Variants in ALG1 observed in about 807,000 individuals in gnomAD.
ALG1 encodes ALG1 chitobiosyldiphosphodolichol beta-mannosyltransferase.
ALG1 carries 58 observed loss-of-function variants against 55.1 expected under a neutral mutation model. The ratio of observed to expected loss-of-function variants is 1.05; its 90% CI spans 0.85 to 1.31. The LOEUF is 1.31. Among genes scored for constraint, ALG1 ranks in the 50% most tolerant of loss-of-function variants. The pLI, the probability that ALG1 is intolerant of heterozygous loss-of-function variation, is 0.00. For synonymous variants in ALG1, 309 were observed against 247.0 expected (o/e 1.25, Z -2.35); for missense variants, 761 against 598.6 (o/e 1.27, Z -2.83).
chr16:5,084,892 A>C lies in ALG1; in HGVS notation c.*11A>C, dbSNP rs752581537. 1.9e-6 allele frequency: 3 copies of C among 1,580,722 alleles called. No homozygotes were observed. The South Asian group carries it at 3.3e-5, about 17-fold the overall frequency. Reference sequence around the variant, plus strand: ...GTTATGGACACATAACTCCTGGGCCAGAGGCTAAAACCCCAGGACCCCTGC... The same window carrying C: ...GTTATGGACACATAACTCCTGGGCCCGAGGCTAAAACCCCAGGACCCCTGC... On this transcript the variant is annotated 3_prime_UTR_variant, in exon 13 of 13. Transcript: ENST00000262374.
At chr16:5,072,314 C>G in intron 1 of ALG1, 1 of 1,384,568 alleles carries the variant, frequency 7.2e-7, no homozygotes, top group Non-Finnish European at 9.5e-7. Flanking sequence ...GTAAGTGGAA[C>G]CCAGGTGCGT....
At chr16:5,076,379 A>T (rs1011189385) in intron 4 of ALG1, among the ~76,000 whole-genome samples, 7 of 152,244 alleles carry the variant, frequency 4.6e-5, no homozygotes, top group Non-Finnish European at 2.9e-5. Flanking sequence ...CACCTGCTGC[A>T]TGCCAGTCCT....
chr16:5,081,309 T>G (rs1455235363), intron 10 of ALG1, among the ~76,000 whole-genome samples: 1 of 152,076 alleles, frequency 6.6e-6, no homozygotes, highest in Non-Finnish European at 1.5e-5. Flanking sequence ...TCTTCCTTCC[T>G]GCAGGAGGGC....
At chr16:5,081,618 T>A (rs1480198958) in intron 10 of ALG1, among the ~76,000 whole-genome samples, 1 of 152,138 alleles carries the variant, frequency 6.6e-6, no homozygotes, top group Non-Finnish European at 1.5e-5. Flanking sequence ...TAGGCTGGAG[T>A]GCATGATCTC....
At position 5,079,224 on chromosome 16, in the gene ALG1, C is replaced by G. The variant is rs531157713; in HGVS notation, c.901+122C>G. ...ACTGGGTGGGGCAGCCTGGGGACAG[C>G]GGGGGTGGTGGAAGTGGGCCGCCCT... On this transcript the variant is annotated intron_variant, in intron 8 of 12. Transcript: ENST00000262374. 441 of 1,352,436 alleles carry G rather than the reference C, an allele frequency of 3.3e-4. 5 individuals are homozygous for G. The African/African-American group carries it at 5.8e-3, about 18-fold the overall frequency. 83.8% of individuals were successfully genotyped at this position (1,352,436 alleles called of 1,614,324 possible).
chr16:5,073,483 A>G (rs1051550736), intron 3 of ALG1: 2 of 587,734 alleles, frequency 3.4e-6, no homozygotes, highest in East Asian at 2.9e-5. Context: ...AGTGTTTTCC[A>G]TGTATTAACT....
rs374671583 is a variant in ALG1 at position 5,086,334 on chromosome 16, CAA to C, written c.*1470_*1471del. Among the ~76,000 whole-genome samples the C allele has an allele frequency of 0.016, 2,112 of 128,248 alleles. 40 individuals carry two copies. The highest frequency in any genetic ancestry group is 0.049 in the African/African-American group (1,675 of 34,504). 84.1% of individuals were successfully genotyped at this position (128,248 alleles called of 152,430 possible). ...TGAGTGACAGGGTGAGACTAAGTCT[CAA>C]AAAAAAAAAAAAAAAACCACACGCA... On this transcript the variant is annotated 3_prime_UTR_variant, in exon 13 of 13. Transcript: ENST00000262374.
intron 12 of ALG1, chr16:5,084,512 A>C: frequency 1.5e-6 from 1 of 669,850 alleles, no homozygotes; most frequent in South Asian, 1.8e-5. Context: ...AGAGGCCGGG[A>C]GGTGCTCCAG....
chr16:5,077,065 A>G (rs1161059984), intron 4 of ALG1, among the ~76,000 whole-genome samples: 2 of 152,232 alleles, frequency 1.3e-5, no homozygotes, highest in East Asian at 3.9e-4. Flanking sequence ...GATTACAGGC[A>G]TGAGCCACCG....
intron 1 of ALG1, 42 bp from the exon 2 acceptor site, chr16:5,072,909 T>G (rs1219836559): frequency 1.9e-6 from 3 of 1,561,600 alleles, no homozygotes; most frequent in Non-Finnish European, 2.6e-6. Context: ...GACTTTAGAT[T>G]GCTGCTTCTG....
chr16:5,072,118 C>A (rs1299156662), intron 1 of ALG1, 61 bp downstream of exon 1: 1 of 1,549,822 alleles, frequency 6.5e-7, no homozygotes, highest in African/African-American at 1.4e-5. Flanking sequence ...TCGGTTCTAA[C>A]CGCCCCGGGG....
Position 5,078,945 on chromosome 16 carries a change from A to G in ALG1, c.862+67A>G, listed in dbSNP as rs978817375. On this transcript the variant is annotated intron_variant, in intron 7 of 12. Transcript: ENST00000262374. ...CACCTGGCCAACCTGTGTTCTCCTC[A>G]CCCCTGCCAGTCCTGCATGCTCCCA... 1.9e-5 allele frequency: 31 copies of G among 1,590,858 alleles called. No individual in the cohort carries two copies. The East Asian group carries it at 7.2e-4, about 37-fold the overall frequency.
intron 3 of ALG1, 97 bp downstream of exon 3, chr16:5,073,353 G>T: frequency 8.9e-7 from 1 of 1,125,728 alleles, no homozygotes; most frequent in Non-Finnish European, 1.3e-6. Context: ...ATGTGTGTGT[G>T]TTGTGTGTAT....
Position 5,080,980 on chromosome 16 carries a change from C to T in ALG1, c.996C>T (p.Leu332=), listed in dbSNP as rs529867921. ...KGPLREYYSR[L]IHQKHFQHIQ... Reference sequence around the variant, plus strand: ...CTCTGAGGGAGTATTATAGCCGCCTCATCCACCAGAAGCACTTCCAGCACA... The same window carrying T: ...CTCTGAGGGAGTATTATAGCCGCCTTATCCACCAGAAGCACTTCCAGCACA... The change falls in exon 10 of 13, where the codon CTC becomes CTT. Residue 332 remains leucine (L), a synonymous_variant. Coordinates refer to ENST00000262374, the MANE Select transcript of ALG1 (RefSeq NM_019109.5). 7.3e-5 allele frequency: 117 copies of T among 1,596,354 alleles called. 1 individual carries two copies. The highest frequency in any genetic ancestry group is 7.1e-4 in the South Asian group (65 of 90,992).
intron 5 of ALG1, 121 bp from the exon 6 acceptor site, chr16:5,077,786 T>G (rs1355587375): frequency 2.6e-6 from 3 of 1,170,654 alleles, no homozygotes; most frequent in Non-Finnish European, 3.8e-6. Flanking sequence ...CAAGGCTTCT[T>G]CTTGTCATCA....
chr16:5,072,997 T>G lies in ALG1; in HGVS notation c.255T>G (p.Ile85Met). 1.9e-6 allele frequency: 3 copies of G among 1,614,180 alleles called. No individual in the cohort carries two copies. The highest frequency in any genetic ancestry group is 2.5e-6 in the Non-Finnish European group (3 of 1,180,024). The change falls in exon 2 of 13, where the codon ATT (isoleucine) becomes ATG (methionine). Residue 85 changes from isoleucine (I) to methionine (M), a missense_variant. Physicochemically the swap from Ile to Met is conservative, Grantham distance 10. Coordinates refer to ENST00000262374, the MANE Select transcript of ALG1 (RefSeq NM_019109.5). ...TCTTGCAGAACAACAGAATTCAGAT[T>G]GTGGGGTTGACAGAACTTCAGAGTC... is the stretch of plus-strand genomic sequence containing the variant. Reference protein sequence around the residue: ...DELLQNNRIQIVGLTELQSLA... With the variant: ...DELLQNNRIQMVGLTELQSLA...
chr16:5,076,582 T>C (rs1330996619), intron 4 of ALG1, among the ~76,000 whole-genome samples: 1 of 152,202 alleles, frequency 6.6e-6, no homozygotes, highest in Non-Finnish European at 1.5e-5. Flanking sequence ...CAGGCGATGA[T>C]ACCCTGGCGG....
At chr16:5,083,482 T>G (rs1193637589) in intron 11 of ALG1, among the ~76,000 whole-genome samples, 200 bp from the exon 12 acceptor site, 1 of 152,108 alleles carries the variant, frequency 6.6e-6, no homozygotes, top group Admixed American at 6.5e-5. Flanking sequence ...CAAATGGGTG[T>G]GGCCATTTTG....
Position 5,071,934 on chromosome 16 carries a change from G to T in ALG1, c.85G>T (p.Gly29Trp). The change falls in exon 1 of 13, where the codon GGG (glycine) becomes TGG (tryptophan). Residue 29 changes from glycine (G) to tryptophan (W), a missense_variant. Gly to Trp is a radical substitution (Grantham distance 184, BLOSUM62 -2). Transcript: ENST00000262374. ...LLGGWKRWRR[G>W]RAARHVVAVV... ...GGGAGGATGGAAGCGCTGGCGCCGG[G>T]GGCGGGCGGCCCGGCATGTAGTAGC... 1 of 1,590,250 alleles carries T rather than the reference G, an allele frequency of 6.3e-7. No homozygotes were observed.
Sources: allele counts gnomAD v4.1 joint callset (sites outside exome capture counted in the v4.1 genomes callset), GRCh38; gene constraint gnomAD v4.1.1; transcripts MANE v1.5; gene names NCBI Gene and HGNC (gene_info 2026-07-23, HGNC 2026-07-21).